The following TET1 variants were observed in gnomAD, a reference collection of about 807,000 sequenced individuals.
TET1 encodes the protein methylcytosine dioxygenase TET1.
Under a neutral mutation model 148.7 loss-of-function variants are expected in TET1, and 13 were observed. That is an observed-to-expected ratio of 0.09 (90% CI 0.06 to 0.14). The LOEUF is 0.14. Ranked by LOEUF, TET1 falls within the 10% of genes least tolerant of loss-of-function variation. TET1 has a pLI of 1.00. For missense variants in TET1, 2,182 were observed against 2,553.8 expected, an observed-to-expected ratio of 0.85 and a Z score of 3.14; for synonymous variants, 907 against 937.2, an observed-to-expected ratio of 0.97 and a Z score of 0.59.
At chr10:68,587,601 A>G (rs1425902412) in intron 2 of TET1, among the ~76,000 whole-genome samples, 1 of 152,220 alleles carries the variant, frequency 6.6e-6, no homozygotes, top group African/African-American at 2.4e-5. Flanking sequence ...TAAAGAACCA[A>G]TAACCTTTAT....
At chr10:68,617,517 T>C (rs909415996) in intron 3 of TET1, among the ~76,000 whole-genome samples, 1 of 152,060 alleles carries the variant, frequency 6.6e-6, no homozygotes, top group Non-Finnish European at 1.5e-5. Context: ...GTTTTTAGCA[T>C]CCATTGAGGA....
intron 2 of TET1, among the ~76,000 whole-genome samples, chr10:68,592,295 G>A (rs2053927576): frequency 6.6e-6 from 1 of 152,060 alleles, no homozygotes. Context: ...CAGCCTGGGT[G>A]ACAAGAGACT....
At position 68,686,961 on chromosome 10, in the gene TET1, C is replaced by T. The variant is rs1003641376; in HGVS notation, c.5404+254C>T. ...GGAGTGCAGTGGCGCAATCTTGGCT[C>T]ACTGCAAGCTCTGCCTCCTGGGTTC... is the stretch of plus-strand genomic sequence containing the variant. On this transcript the variant is annotated intron_variant, in intron 11 of 11. Coordinates refer to ENST00000373644, the MANE Select transcript of TET1 (RefSeq NM_030625.3). Among the ~76,000 whole-genome samples the T allele has an allele frequency of 9.9e-5, 15 of 151,170 alleles. 1 individual carries two copies. The highest frequency in any genetic ancestry group is 1.9e-4 in the Non-Finnish European group (13 of 67,924).
chr10:68,572,444 A>G lies in TET1; in HGVS notation c.106A>G (p.Lys36Glu), dbSNP rs1273080391. 1.9e-6 allele frequency: 3 copies of G among 1,614,054 alleles called. No homozygotes were observed. The highest frequency in any genetic ancestry group is 2.5e-6 in the Non-Finnish European group (3 of 1,180,040). Residue 36 changes from lysine to glutamate, a missense_variant, in exon 2 of 12, where the codon AAA becomes GAA. By Grantham distance (56) the Lys-to-Glu change is moderately conservative. Transcript: ENST00000373644. ...ACGAAAGACAACCAAGGGAGCCAACAAAAATGTGGCATCAGTCAAGACTTT... is the reference window on the plus strand; with the variant it reads ...ACGAAAGACAACCAAGGGAGCCAACGAAAATGTGGCATCAGTCAAGACTTT... ...QLRKTTKGAN[K>E]NVASVKTLSP... is the part of the protein sequence containing the mutation.
chr10:68,567,077 G>A (rs1190787099), intron 1 of TET1, among the ~76,000 whole-genome samples: 1 of 152,098 alleles, frequency 6.6e-6, no homozygotes, highest in Non-Finnish European at 1.5e-5. Flanking sequence ...ACCCAGGTCA[G>A]CCTACTTCCA....
rs201182189 is a variant in TET1, at chr10:68,644,822, A to G, written c.2093A>G (p.Asn698Ser). 3 of 1,614,062 alleles carry G rather than the reference A, an allele frequency of 1.9e-6. No individual in the cohort carries two copies. Among genetic ancestry groups the G allele is most frequent in the East Asian group, 2.2e-5 (1 of 44,872 alleles). Residue 698 changes from asparagine (N) to serine (S), a missense_variant, in exon 4 of 12, where the codon AAT becomes AGT. Around this residue, in one of 11 missense-constraint regions of TET1, gnomAD observed 226 missense variants for 307.4 expected, o/e 0.74. Transcript: ENST00000373644. ...NPHTVENVTK[N>S]EDSMTGIEVE... ...CATACTGTTGAAAATGTAACTAAAA[A>G]TGAAGACAGCATGACAGGCATCGAG...
chr10:68,657,235 G>A (rs965633094), intron 6 of TET1, among the ~76,000 whole-genome samples: 2 of 151,924 alleles, frequency 1.3e-5, no homozygotes, highest in Non-Finnish European at 2.9e-5. Context: ...GGAGTGCAGT[G>A]GCGTGATCTC....
intron 2 of TET1, among the ~76,000 whole-genome samples, chr10:68,592,143 C>A (rs926184797): frequency 3.3e-5 from 5 of 151,812 alleles, no homozygotes; most frequent in African/African-American, 4.8e-5. Context: ...CATGGTGAAA[C>A]CTTGTCTCTA....
intron 2 of TET1, among the ~76,000 whole-genome samples, chr10:68,591,145 G>A (rs771979143): frequency 2.6e-5 from 4 of 152,182 alleles, no homozygotes; most frequent in East Asian, 3.9e-4. Flanking sequence ...ATGAGCCACC[G>A]CATCCCATTT....
chr10:68,624,841 C>T (rs909660921), intron 3 of TET1, among the ~76,000 whole-genome samples: 3 of 144,182 alleles, frequency 2.1e-5, no homozygotes, highest in African/African-American at 7.6e-5. Context: ...ACGCCATTCT[C>T]CTGACTCAGC....
At chr10:68,589,288 G>C (rs2053892997) in intron 2 of TET1, among the ~76,000 whole-genome samples, 1 of 151,814 alleles carries the variant, frequency 6.6e-6, no homozygotes, top group Non-Finnish European at 1.5e-5. Context: ...TCAGCAGGAG[G>C]TTTCTCCCAG....
At position 68,586,491 on chromosome 10, in the gene TET1, T is replaced by TTTTTG. The variant is rs1554931433; in HGVS notation, c.1914+12243_1914+12244insGTTTT. On this transcript the variant is annotated intron_variant, in intron 2 of 11. Transcript: ENST00000373644. ...TTGCACCCAGCCAGCTAACGTTTTT[T>TTTTTG]TTTTTTTTTTAATTTTTATTTTTTG... 1.9e-3 allele frequency among the ~76,000 whole-genome samples: 287 copies of TTTTTG among 150,176 alleles called. 1 individual carries two copies. Among genetic ancestry groups the TTTTTG allele is most frequent in the African/African-American group, 6.5e-3 (263 of 40,318 alleles).
At chr10:68,580,139 G>T (rs2132810172) in intron 2 of TET1, among the ~76,000 whole-genome samples, 2 of 151,364 alleles carry the variant, frequency 1.3e-5, no homozygotes, top group South Asian at 4.2e-4. Flanking sequence ...TGTTGGTCAG[G>T]CTGGTCTCAA....
rs1309918140 is a variant in TET1, at chr10:68,645,418, C to T, written c.2689C>T (p.Leu897=). The T allele has an allele frequency of 6.2e-6, 10 of 1,613,994 alleles. No homozygotes were observed. Among genetic ancestry groups the T allele is most frequent in the Non-Finnish European group, 8.5e-6 (10 of 1,180,020 alleles). The change falls in exon 4 of 12, where the codon CTG becomes TTG. Residue 897 remains leucine, a synonymous_variant. Coordinates refer to ENST00000373644, the MANE Select transcript of TET1 (RefSeq NM_030625.3). The part of the protein sequence containing the change: ...TLEQVVAIEA[L]TQLSEAPSEN... ...GGAGCAAGTGGTAGCCATAGAGGCC[C>T]TGACTCAACTCTCAGAAGCCCCATC... is the stretch of plus-strand genomic sequence containing the variant.
chr10:68,596,628 C>T (rs1224510406), intron 2 of TET1, among the ~76,000 whole-genome samples: 2 of 152,110 alleles, frequency 1.3e-5, no homozygotes, highest in African/African-American at 4.8e-5. Flanking sequence ...CATCAAAACT[C>T]GCCCAGAGCT....
At chr10:68,578,646 A>G (rs2053758763) in intron 2 of TET1, among the ~76,000 whole-genome samples, 1 of 152,140 alleles carries the variant, frequency 6.6e-6, no homozygotes, top group South Asian at 2.1e-4. Flanking sequence ...GAATTTTTAC[A>G]TTTAGCTAGG....
chr10:68,672,833 A>G, intron 7 of TET1, 62 bp from the exon 8 acceptor site: 2 of 1,470,690 alleles, frequency 1.4e-6, no homozygotes, highest in Non-Finnish European at 1.9e-6. Context: ...GAAACCTGAA[A>G]TGTTCTCTCT....
At chr10:68,661,428 A>G (rs3998857) in intron 6 of TET1, among the ~76,000 whole-genome samples, 27,453 of 151,496 alleles carry the variant, frequency 0.18, 3,076 homozygotes, top group African/African-American at 0.31. Flanking sequence ...TTACAATTTT[A>G]TCCTGTGCTT....
In TET1 at chr10:68,645,314, T is replaced by C. The variant is rs1378554181; in HGVS notation, c.2585T>C (p.Ile862Thr). ...GATCAACCAAAAACTCCTGAGAATATACCAAGTAAAGAACCAAAAGATGGA... is the reference window on the plus strand; with the variant it reads ...GATCAACCAAAAACTCCTGAGAATACACCAAGTAAAGAACCAAAAGATGGA... The part of the protein sequence containing the change: ...EGDQPKTPEN[I>T]PSKEPKDGSP... Residue 862 changes from isoleucine (I) to threonine (T), a missense_variant, in exon 4 of 12, where the codon ATA (isoleucine) becomes ACA (threonine). Ile to Thr is a moderately conservative substitution (Grantham distance 89). Around this residue, in one of 11 missense-constraint regions of TET1, gnomAD observed 582 missense variants for 599.5 expected, o/e 0.97. Transcript: ENST00000373644. 5.0e-6 allele frequency: 8 copies of C among 1,613,988 alleles called. No homozygotes were observed. The Admixed American group carries it at 1.2e-4, about 24-fold the overall frequency.
Sources: allele counts gnomAD v4.1 joint callset (sites outside exome capture counted in the v4.1 genomes callset), GRCh38; gene constraint gnomAD v4.1.1; regional missense constraint gnomAD v4.1.1; transcripts MANE v1.5; gene names NCBI Gene and HGNC (gene_info 2026-07-23, HGNC 2026-07-21).